The following LRRC8B variants were observed in gnomAD, a reference collection of about 807,000 sequenced individuals.
LRRC8B encodes volume-regulated anion channel subunit LRRC8B.
LRRC8B carries 23 observed loss-of-function variants against 58.8 expected under a neutral mutation model. The observed-to-expected ratio is 0.39, with a 90% confidence interval of 0.28 to 0.55. LRRC8B has a LOEUF of 0.55. Among genes scored for constraint, LRRC8B ranks in the 20% least tolerant of loss-of-function variants. The probability of loss-of-function intolerance (pLI) is 0.62; values close to 1 mark genes in which losing one functional copy is unlikely to be tolerated. For synonymous variants in LRRC8B, 359 were observed against 374.1 expected (o/e 0.96, Z 0.47); for missense variants, 694 against 936.0 (o/e 0.74, Z 3.37).
Position 89,594,847 on chromosome 1 carries a change from C to A in LRRC8B, c.*1804C>A, listed in dbSNP as rs1026467995. 1 of 152,098 alleles carries A rather than the reference C, an allele frequency of 6.6e-6. No homozygotes were observed. The highest frequency in any genetic ancestry group is 2.4e-5 in the African/African-American group (1 of 41,436). The allele number at this position is 152,098 out of a possible 1,614,324, so 9.4% of individuals were successfully genotyped here. On this transcript the variant is annotated 3_prime_UTR_variant, in exon 6 of 6. Transcript: ENST00000330947. ...ATTTTGGATATAACTATGAAGAAAT[C>A]TATTAACTGCACCTACACAAAACTG... is the stretch of plus-strand genomic sequence containing the variant.
At chr1:89,573,020 G>A (rs183949515) in intron 3 of LRRC8B, among the ~76,000 whole-genome samples, 99 of 152,200 alleles carry the variant, frequency 6.5e-4, no homozygotes, top group Non-Finnish European at 2.8e-4. Context: ...TCAAATGTCG[G>A]CCAGGCACGG....
chr1:89,551,436 A>G (rs1414092618), intron 1 of LRRC8B, among the ~76,000 whole-genome samples: 2 of 152,324 alleles, frequency 1.3e-5, no homozygotes, highest in African/African-American at 2.4e-5. Context: ...TGAGCATTAT[A>G]TAGATGTTCA....
rs199524676 is a variant in LRRC8B, at chr1:89,582,609, T to C, written c.-26-16T>C. ...GTACTTGCTTCAGTAGTGTTTCTTT[T>C]ATTTCCCTCTTCCAGTTTCTGTCCT... On this transcript the variant is annotated splice_polypyrimidine_tract_variant and intron_variant, in intron 4 of 5. Coordinates refer to ENST00000330947, the MANE Select transcript of LRRC8B (RefSeq NM_001369817.2). 1.2e-4 allele frequency: 180 copies of C among 1,445,856 alleles called. No individual in the cohort carries two copies. The highest frequency in any genetic ancestry group is 1.6e-4 in the Non-Finnish European group (167 of 1,037,080). 89.6% of individuals were successfully genotyped at this position (1,445,856 alleles called of 1,614,324 possible).
chr1:89,579,945 T>C lies in LRRC8B; in HGVS notation c.-27+257T>C, dbSNP rs934774968. Among the ~76,000 whole-genome samples the C allele has an allele frequency of 2.0e-5, 3 of 152,224 alleles. No homozygotes were observed. The East Asian group carries it at 5.8e-4, about 29-fold the overall frequency. ...TTTTTATCCATTACAAGAAATTCCT[T>C]TGCAACTCTCCTGATGGATGGTCAT... On this transcript the variant is annotated intron_variant, in intron 4 of 5. Coordinates refer to ENST00000330947, the MANE Select transcript of LRRC8B (RefSeq NM_001369817.2).
rs755428436 is a variant in LRRC8B, at chr1:89,592,015, C to G, written c.2140-756C>G. ...TCTGGAGGTCTTTCCTCAATAAACC[C>G]TATTTCTTCTATGTACTGTGGCGCC... On this transcript the variant is annotated intron_variant, in intron 5 of 5. Transcript: ENST00000330947. 7.2e-5 allele frequency among the ~76,000 whole-genome samples: 11 copies of G among 152,220 alleles called. 1 individual carries two copies. Among genetic ancestry groups the G allele is most frequent in the Middle Eastern group, 6.8e-3 (2 of 294 alleles).
At chr1:89,558,113 G>A (rs1228842527) in intron 1 of LRRC8B, among the ~76,000 whole-genome samples, 1 of 152,188 alleles carries the variant, frequency 6.6e-6, no homozygotes, top group East Asian at 1.9e-4. Context: ...TAAAGCAAGA[G>A]GTGGCCATAG....
At chr1:89,591,497 G>A (rs72712543) in intron 5 of LRRC8B, among the ~76,000 whole-genome samples, 4 of 152,130 alleles carry the variant, frequency 2.6e-5, no homozygotes, top group African/African-American at 2.4e-5. Context: ...ATATTTTGGT[G>A]TACAATGATG....
chr1:89,571,076 G>A (rs1441144232), intron 3 of LRRC8B, among the ~76,000 whole-genome samples: 6 of 152,050 alleles, frequency 3.9e-5, no homozygotes, highest in African/African-American at 9.7e-5. Flanking sequence ...CTATGTGTCC[G>A]CTTTGTACCA....
chr1:89,537,535 T>C (rs1436377389), intron 1 of LRRC8B, among the ~76,000 whole-genome samples: 3 of 152,286 alleles, frequency 2.0e-5, no homozygotes, highest in African/African-American at 7.2e-5. Flanking sequence ...TGCAGTGGCA[T>C]GATCTCGGCT....
Position 89,594,243 on chromosome 1 carries a change from G to A in LRRC8B, c.*1200G>A, listed in dbSNP as rs888747892. The A allele has an allele frequency of 2.0e-5, 3 of 152,134 alleles. No homozygotes were observed. The East Asian group carries it at 5.8e-4, about 29-fold the overall frequency. The allele number at this position is 152,134 out of a possible 1,614,324, so 9.4% of individuals were successfully genotyped here. Reference sequence around the variant, plus strand: ...TTGGTTTCGGCTGTTTATGACTCATGTTTATGTACATTCTGCTCCAAAATG... The same window carrying A: ...TTGGTTTCGGCTGTTTATGACTCATATTTATGTACATTCTGCTCCAAAATG... On this transcript the variant is annotated 3_prime_UTR_variant, in exon 6 of 6. Transcript: ENST00000330947.
intron 1 of LRRC8B, among the ~76,000 whole-genome samples, chr1:89,543,442 ACAAT>A (rs1234445731): frequency 6.6e-6 from 1 of 152,152 alleles, no homozygotes; most frequent in Non-Finnish European, 1.5e-5. Flanking sequence ...TTATTATAAA[ACAAT>A]CTATTATACA....
At chr1:89,527,497 C>T (rs1649788863) in intron 1 of LRRC8B, among the ~76,000 whole-genome samples, 1 of 152,236 alleles carries the variant, frequency 6.6e-6, no homozygotes, top group Admixed American at 6.5e-5. Flanking sequence ...CATCAGCAAA[C>T]AGTTCAGACC....
intron 3 of LRRC8B, among the ~76,000 whole-genome samples, chr1:89,569,435 T>C (rs1208330762): frequency 6.6e-6 from 1 of 152,156 alleles, no homozygotes; most frequent in African/African-American, 2.4e-5. Context: ...TAGTGTACAA[T>C]AGGAAAACTT....
intron 1 of LRRC8B, among the ~76,000 whole-genome samples, chr1:89,558,324 G>A (rs1206498347): frequency 6.6e-6 from 1 of 151,774 alleles, no homozygotes; most frequent in African/African-American, 2.4e-5. Flanking sequence ...AAGAGAAGCT[G>A]GAGATCACCA....
At chr1:89,557,563 G>T (rs2100938630) in intron 1 of LRRC8B, among the ~76,000 whole-genome samples, 1 of 152,262 alleles carries the variant, frequency 6.6e-6, no homozygotes, top group East Asian at 1.9e-4. Context: ...TGTATTTAGT[G>T]AGTGATTTAA....
chr1:89,592,556 T>C (rs2101111626), intron 5 of LRRC8B, among the ~76,000 whole-genome samples: 1 of 152,268 alleles, frequency 6.6e-6, no homozygotes, highest in South Asian at 2.1e-4. Context: ...AGGATGTAGG[T>C]GTCCAGGGTA....
At chr1:89,541,735 AAAAAAAAAAAAAAAG>A (rs1651004493) in intron 1 of LRRC8B, among the ~76,000 whole-genome samples, 2 of 139,234 alleles carry the variant, frequency 1.4e-5, no homozygotes, top group Non-Finnish European at 3.1e-5. Flanking sequence ...AAAAAAAAAA[AAAAAAAAAAAAAAAG>A]CTGGCTGTCT....
chr1:89,575,581 G>C (rs1411201872), intron 3 of LRRC8B, among the ~76,000 whole-genome samples: 1 of 152,144 alleles, frequency 6.6e-6, no homozygotes, highest in Non-Finnish European at 1.5e-5. Flanking sequence ...ATGCAGAACA[G>C]TTAGCAAAAA....
intron 1 of LRRC8B, among the ~76,000 whole-genome samples, chr1:89,558,448 T>C (rs527471356): frequency 1.3e-5 from 2 of 152,272 alleles, no homozygotes; most frequent in African/African-American, 4.8e-5. Context: ...GAAAGAGCTC[T>C]CTGACTGCAG....
Sources: allele counts gnomAD v4.1 joint callset (sites outside exome capture counted in the v4.1 genomes callset), GRCh38; gene constraint gnomAD v4.1.1; transcripts MANE v1.5; gene names NCBI Gene and HGNC (gene_info 2026-07-23, HGNC 2026-07-21).